RNASE7: variants seen among roughly 807,000 people sequenced by gnomAD.
RNASE7 encodes ribonuclease 7.
For synonymous variants in RNASE7, 80 were observed against 77.5 expected, an observed-to-expected ratio of 1.03 and a Z score of -0.17; for missense variants, 184 against 191.5, an observed-to-expected ratio of 0.96 and a Z score of 0.23.
At position 21,043,647 on chromosome 14, in the gene RNASE7, T is replaced by C; in HGVS notation, c.*184T>C. On this transcript the variant is annotated 3_prime_UTR_variant, in exon 2 of 2. Coordinates refer to ENST00000298690, the MANE Select transcript of RNASE7 (RefSeq NM_032572.4). ...GCTCTAGAGGGATGGCTTTTCATCT[T>C]TTTGTTGCTGTTTTCCCAGATGCTT... The C allele has an allele frequency of 1.7e-6, 1 of 575,292 alleles. No homozygotes were observed. The highest frequency in any genetic ancestry group is 3.1e-6 in the Non-Finnish European group (1 of 320,776). 35.6% of individuals were successfully genotyped at this position (575,292 alleles called of 1,614,324 possible).
rs1468109663 is a variant in RNASE7, at chr14:21,043,350, A to G, written c.358A>G (p.Arg120Gly). Residue 120 changes from arginine to glycine, a missense_variant, in exon 2 of 2, where the codon AGG becomes GGG. Arg to Gly is a moderately radical substitution (Grantham distance 125). Transcript: ENST00000298690. The part of the protein sequence containing the change: ...KLTSGKHPNC[R>G]YKEKRQNKSY... ...CACCTCAGGGAAGCATCCGAACTGC[A>G]GGTACAAAGAGAAGCGACAGAACAA... 6.2e-7 allele frequency: 1 copy of G among 1,614,066 alleles called. No individual in the cohort carries two copies. The highest frequency in any genetic ancestry group is 1.3e-5 in the African/African-American group (1 of 74,924).
In RNASE7 at chr14:21,043,576, G is replaced by A. The variant is rs1180359356; in HGVS notation, c.*113G>A. On this transcript the variant is annotated 3_prime_UTR_variant, in exon 2 of 2. Transcript: ENST00000298690. ...CCCTCATCTCTTGGGGCTGTTCCTG[G>A]TTCAGCCTCTGCTGGGAGGCTGAAG... 5.3e-6 allele frequency: 4 copies of A among 756,192 alleles called. No homozygotes were observed. Among genetic ancestry groups the A allele is most frequent in the East Asian group, 2.7e-5 (1 of 37,680 alleles). 46.8% of individuals were successfully genotyped at this position (756,192 alleles called of 1,614,324 possible).
chr14:21,043,070 C>T lies in RNASE7; in HGVS notation c.78C>T (p.Val26=). Residue 26 remains valine, a synonymous_variant, in exon 2 of 2, where the codon GTC becomes GTT. Transcript: ENST00000298690. ...GGCTGTGGGTGGCAGAGATCCCAGT[C>T]AGTGCCAAGCCCAAGGGCATGACCT... ...LLGLWVAEIP[V]SAKPKGMTSS... is the part of the protein sequence containing the mutation. The T allele has an allele frequency of 1.2e-6, 2 of 1,614,214 alleles. No individual in the cohort carries two copies. The highest frequency in any genetic ancestry group is 2.2e-5 in the East Asian group (1 of 44,888).
At position 21,043,306 on chromosome 14, in the gene RNASE7, C is replaced by T. The variant is rs779829530; in HGVS notation, c.314C>T (p.Ser105Phe). The T allele has an allele frequency of 1.4e-5, 22 of 1,614,070 alleles. No individual in the cohort carries two copies. The Admixed American group carries it at 3.7e-4, about 27-fold the overall frequency. ...KNCHQSHGAV[S>F]LTMCKLTSGK... ...TGCCACCAGAGCCACGGGGCCGTGT[C>T]CCTGACCATGTGTAAGCTCACCTCA... Residue 105 changes from serine to phenylalanine, a missense_variant, in exon 2 of 2, where the codon TCC (serine) becomes TTC (phenylalanine). Ser to Phe is a radical substitution (Grantham distance 155). Coordinates refer to ENST00000298690, the MANE Select transcript of RNASE7 (RefSeq NM_032572.4).
chr14:21,043,370 G>C lies in RNASE7; in HGVS notation c.378G>C (p.Gln126His). The C allele has an allele frequency of 6.2e-7, 1 of 1,614,208 alleles. No homozygotes were observed. Among genetic ancestry groups the C allele is most frequent in the Non-Finnish European group, 8.5e-7 (1 of 1,180,046 alleles). The change falls in exon 2 of 2, where the codon CAG (glutamine) becomes CAC (histidine). Residue 126 changes from glutamine to histidine, a missense_variant. Gln to His is a conservative substitution (Grantham distance 24, BLOSUM62 0). Transcript: ENST00000298690. ...ACTGCAGGTACAAAGAGAAGCGACA[G>C]AACAAGTCTTACGTAGTGGCCTGTA... ...HPNCRYKEKRQNKSYVVACKP... is the reference protein window; with the variant it reads ...HPNCRYKEKRHNKSYVVACKP...
In RNASE7 at chr14:21,043,504, C is replaced by G; in HGVS notation, c.*41C>G. On this transcript the variant is annotated 3_prime_UTR_variant, in exon 2 of 2. Coordinates refer to ENST00000298690, the MANE Select transcript of RNASE7 (RefSeq NM_032572.4). ...TGCTCTTTGGCTGACCTTCAATTCCCTCTCCAGGACTCCGCACCACTCCCC... is the reference window on the plus strand; with the variant it reads ...TGCTCTTTGGCTGACCTTCAATTCCGTCTCCAGGACTCCGCACCACTCCCC... 7.6e-7 allele frequency: 1 copy of G among 1,309,868 alleles called. No homozygotes were observed. The highest frequency in any genetic ancestry group is 1.5e-5 in the African/African-American group (1 of 67,932). The allele number at this position is 1,309,868 out of a possible 1,614,324, so 81.1% of individuals were successfully genotyped here.
At position 21,043,252 on chromosome 14, in the gene RNASE7, A is replaced by G; in HGVS notation, c.260A>G (p.Lys87Arg). Residue 87 changes from lysine (K) to arginine (R), a missense_variant, in exon 2 of 2, where the codon AAA becomes AGA. By Grantham distance (26) the Lys-to-Arg change is conservative. Coordinates refer to ENST00000298690, the MANE Select transcript of RNASE7 (RefSeq NM_032572.4). ...SSVAATCQTP[K>R]IACKNGDKNC... ...GTGGCCGCCACCTGCCAGACCCCCAAAATAGCCTGCAAGAATGGCGATAAA... is the reference window on the plus strand; with the variant it reads ...GTGGCCGCCACCTGCCAGACCCCCAGAATAGCCTGCAAGAATGGCGATAAA... The G allele has an allele frequency of 6.2e-7, 1 of 1,614,168 alleles. No homozygotes were observed. Among genetic ancestry groups the G allele is most frequent in the Non-Finnish European group, 8.5e-7 (1 of 1,180,028 alleles).
At chr14:21,042,888 G>A in intron 1 of RNASE7, 65 bp from the exon 2 acceptor site, 2 of 920,520 alleles carry the variant, frequency 2.2e-6, no homozygotes, top group Non-Finnish European at 3.2e-6. Context: ...GTAGGGAGAT[G>A]GGTGACTAGC....
At position 21,043,211 on chromosome 14, in the gene RNASE7, C is replaced by T. The variant is rs747797650; in HGVS notation, c.219C>T (p.His73=). The T allele has an allele frequency of 2.8e-5, 45 of 1,614,062 alleles. No homozygotes were observed. Among genetic ancestry groups the T allele is most frequent in the Admixed American group, 2.3e-4 (14 of 59,996 alleles). The stretch of plus-strand genomic sequence containing the variant: ...GCAAAGACCTCAACACCTTCCTGCA[C>T]GAGCCTTTCTCCAGTGTGGCCGCCA... The part of the protein sequence containing the change: ...KRCKDLNTFL[H]EPFSSVAATC... The change falls in exon 2 of 2, where the codon CAC becomes CAT. Residue 73 remains histidine, a synonymous_variant. Transcript: ENST00000298690.
Position 21,043,451 on chromosome 14 carries a change from CAG to C in RNASE7, c.462_463del (p.Arg154SerfsTer13). On this transcript the variant is annotated frameshift_variant, in exon 2 of 2. Transcript: ENST00000298690. LOFTEE classifies it high-confidence loss of function. ...QFHLVPVHLD[R>X]VL ...TCCACCTGGTTCCTGTACACTTGGACAGAGTCCTTTAGGTTTCCAGACTGGCT... is the reference window on the plus strand; with the variant it reads ...TCCACCTGGTTCCTGTACACTTGGACAGTCCTTTAGGTTTCCAGACTGGCT... The C allele has an allele frequency of 1.3e-6, 2 of 1,593,312 alleles. No individual in the cohort carries two copies. The highest frequency in any genetic ancestry group is 1.7e-6 in the Non-Finnish European group (2 of 1,171,706).
At position 21,043,310 on chromosome 14, in the gene RNASE7, G is replaced by C. The variant is rs768854515; in HGVS notation, c.318G>C (p.Leu106=). 1 of 1,614,186 alleles carries C rather than the reference G, an allele frequency of 6.2e-7. No homozygotes were observed. The highest frequency in any genetic ancestry group is 8.5e-7 in the Non-Finnish European group (1 of 1,180,030). ...NCHQSHGAVS[L]TMCKLTSGKH... Reference sequence around the variant, plus strand: ...ACCAGAGCCACGGGGCCGTGTCCCTGACCATGTGTAAGCTCACCTCAGGGA... The same window carrying C: ...ACCAGAGCCACGGGGCCGTGTCCCTCACCATGTGTAAGCTCACCTCAGGGA... Residue 106 remains leucine, a synonymous_variant, in exon 2 of 2, where the codon CTG becomes CTC. Coordinates refer to ENST00000298690, the MANE Select transcript of RNASE7 (RefSeq NM_032572.4).
Position 21,043,076 on chromosome 14 carries a change from C to G in RNASE7, c.84C>G (p.Ala28=), listed in dbSNP as rs780817603. 6.2e-7 allele frequency: 1 copy of G among 1,614,180 alleles called. No individual in the cohort carries two copies. The highest frequency in any genetic ancestry group is 1.1e-5 in the South Asian group (1 of 91,078). ...GLWVAEIPVS[A]KPKGMTSSQW... is the part of the protein sequence containing the mutation. ...GGGTGGCAGAGATCCCAGTCAGTGC[C>G]AAGCCCAAGGGCATGACCTCATCAC... Residue 28 remains alanine, a synonymous_variant, in exon 2 of 2, where the codon GCC becomes GCG. Coordinates refer to ENST00000298690, the MANE Select transcript of RNASE7 (RefSeq NM_032572.4).
At position 21,043,245 on chromosome 14, in the gene RNASE7, A is replaced by AC. The variant is rs750092992; in HGVS notation, c.258dup (p.Lys87GlnfsTer9). ...CTCCAGTGTGGCCGCCACCTGCCAGACCCCCAAAATAGCCTGCAAGAATGG... is the reference window on the plus strand; with the variant it reads ...CTCCAGTGTGGCCGCCACCTGCCAGACCCCCCAAAATAGCCTGCAAGAATGG... On this transcript the variant is annotated frameshift_variant, in exon 2 of 2. Transcript: ENST00000298690. LOFTEE classifies it low-confidence loss of function (END_TRUNC). 22 of 1,613,648 alleles carry AC rather than the reference A, an allele frequency of 1.4e-5. No homozygotes were observed. Among genetic ancestry groups the AC allele is most frequent in the Non-Finnish European group, 1.9e-5 (22 of 1,179,994 alleles).
intron 1 of RNASE7, 58 bp from the exon 2 acceptor site, chr14:21,042,895 T>C: frequency 2.0e-6 from 2 of 983,752 alleles, no homozygotes; most frequent in Non-Finnish European, 1.5e-6. Flanking sequence ...GATGGGTGAC[T>C]AGCTCATATG....
chr14:21,043,098 T>G lies in RNASE7; in HGVS notation c.106T>G (p.Ser36Ala), dbSNP rs770851930. 3 of 1,614,116 alleles carry G rather than the reference T, an allele frequency of 1.9e-6. No homozygotes were observed. The South Asian group carries it at 3.3e-5, about 18-fold the overall frequency. The change falls in exon 2 of 2, where the codon TCA becomes GCA. Residue 36 changes from serine to alanine, a missense_variant. Transcript: ENST00000298690. ...VSAKPKGMTSSQWFKIQHMQP... is the reference protein window; with the variant it reads ...VSAKPKGMTSAQWFKIQHMQP... ...TGCCAAGCCCAAGGGCATGACCTCA[T>G]CACAGTGGTTTAAAATTCAGCACAT...
Position 21,043,171 on chromosome 14 carries a change from A to T in RNASE7, c.179A>T (p.Lys60Met). 6.2e-7 allele frequency: 1 copy of T among 1,614,204 alleles called. No homozygotes were observed. The highest frequency in any genetic ancestry group is 8.5e-7 in the Non-Finnish European group (1 of 1,180,046). Residue 60 changes from lysine (K) to methionine (M), a missense_variant, in exon 2 of 2, where the codon AAG becomes ATG. Coordinates refer to ENST00000298690, the MANE Select transcript of RNASE7 (RefSeq NM_032572.4). Reference protein sequence around the residue: ...ACNSAMKNINKHTKRCKDLNT... With the variant: ...ACNSAMKNINMHTKRCKDLNT... ...AACTCAGCCATGAAAAACATTAACA[A>T]GCACACAAAACGGTGCAAAGACCTC... is the stretch of plus-strand genomic sequence containing the variant.
At position 21,043,424 on chromosome 14, in the gene RNASE7, AT is replaced by A. The variant is rs769237323; in HGVS notation, c.434del (p.Phe145SerfsTer58). The A allele has an allele frequency of 4.0e-5, 64 of 1,609,474 alleles. 1 individual carries two copies. The East Asian group carries it at 1.4e-3, about 35-fold the overall frequency. ...CTCCCCAGAAAAAGGACTCTCAGCA[AT>A]TCCACCTGGTTCCTGTACACTTGGA... ...KPPQKKDSQQFHLVPVHLDRV... is the reference protein window; with the variant it reads ...KPPQKKDSQQXHLVPVHLDRV... On this transcript the variant is annotated frameshift_variant, in exon 2 of 2. Transcript: ENST00000298690. LOFTEE classifies it high-confidence loss of function.
rs34429026 is a variant in RNASE7 at position 21,043,411 on chromosome 14, A to C, written c.419A>C (p.Lys140Thr). The change falls in exon 2 of 2, where the codon AAG becomes ACG. Residue 140 changes from lysine (K) to threonine (T), a missense_variant. Coordinates refer to ENST00000298690, the MANE Select transcript of RNASE7 (RefSeq NM_032572.4). Reference sequence around the variant, plus strand: ...GTGGCCTGTAAGCCTCCCCAGAAAAAGGACTCTCAGCAATTCCACCTGGTT... The same window carrying C: ...GTGGCCTGTAAGCCTCCCCAGAAAACGGACTCTCAGCAATTCCACCTGGTT... ...YVVACKPPQK[K>T]DSQQFHLVPV... 3,053 of 1,611,432 alleles carry C rather than the reference A, an allele frequency of 1.9e-3. 4 individuals carry two copies. Among genetic ancestry groups the C allele is most frequent in the Non-Finnish European group, 2.4e-3 (2,828 of 1,179,022 alleles).
rs1465536848 is a variant in RNASE7 at position 21,043,028 on chromosome 14, G to C, written c.36G>C (p.Leu12=). 1.2e-6 allele frequency: 2 copies of C among 1,614,090 alleles called. No individual in the cohort carries two copies. Among genetic ancestry groups the C allele is most frequent in the Admixed American group, 1.7e-5 (1 of 60,018 alleles). ...APARAGFCPL[L]LLLLLGLWVA... ...CCAGAGCAGGATTCTGCCCCCTTCT[G>C]CTGCTTCTGCTGCTGGGGCTGTGGG... Residue 12 remains leucine, a synonymous_variant, in exon 2 of 2, where the codon CTG becomes CTC. Coordinates refer to ENST00000298690, the MANE Select transcript of RNASE7 (RefSeq NM_032572.4).
Sources: allele counts gnomAD v4.1 joint callset, GRCh38; gene constraint gnomAD v4.1.1; transcripts MANE v1.5; gene names NCBI Gene and HGNC (gene_info 2026-07-23, HGNC 2026-07-21).